DET1: variants seen among roughly 807,000 people sequenced by gnomAD.
DET1 encodes the protein DET1 partner of COP1 E3 ubiquitin ligase.
DET1 carries 22 observed loss-of-function variants against 43.7 expected under a neutral mutation model. The ratio of observed to expected loss-of-function variants is 0.50; its 90% CI spans 0.36 to 0.72. DET1 has a LOEUF of 0.72. Among genes scored for constraint, DET1 ranks in the 30% least tolerant of loss-of-function variants. The pLI is 0.00. For synonymous variants in DET1, 315 were observed against 266.2 expected, an observed-to-expected ratio of 1.18 and a Z score of -1.79; for missense variants, 713 against 713.3, an observed-to-expected ratio of 1.00 and a Z score of 0.00.
At chr15:88,535,174 G>A (rs1367641445) in intron 1 of DET1, among the ~76,000 whole-genome samples, 1 of 152,150 alleles carries the variant, frequency 6.6e-6, no homozygotes, top group African/African-American at 2.4e-5. Context: ...AACTCTTCTA[G>A]CTTCCATAGA....
chr15:88,538,886 T>C (rs2057020983), intron 1 of DET1, among the ~76,000 whole-genome samples: 1 of 152,104 alleles, frequency 6.6e-6, no homozygotes, highest in Non-Finnish European at 1.5e-5. Context: ...TTTGTTCTGG[T>C]TCTGGTAAGA....
chr15:88,509,908 G>A (rs1438198147), downstream of DET1, among the ~76,000 whole-genome samples: 2 of 152,224 alleles, frequency 1.3e-5, no homozygotes, highest in Non-Finnish European at 2.9e-5. Flanking sequence ...CACAGTGAAT[G>A]GCAAAGAAAC....
intron 1 of DET1, among the ~76,000 whole-genome samples, chr15:88,538,736 C>G (rs1244863021): frequency 6.6e-6 from 1 of 152,152 alleles, no homozygotes; most frequent in African/African-American, 2.4e-5. Context: ...AGGGGGTTAC[C>G]ACCTGAGGAA....
chr15:88,527,712 A>T lies in DET1; in HGVS notation c.1158T>A (p.Leu386=). The T allele has an allele frequency of 6.2e-7, 1 of 1,613,884 alleles. No homozygotes were observed. Among genetic ancestry groups the T allele is most frequent in the African/African-American group, 1.3e-5 (1 of 75,042 alleles). The change falls in exon 3 of 5, where the codon CTT becomes CTA. Residue 386 remains leucine (L), a synonymous_variant. Transcript: ENST00000268148. The stretch of plus-strand genomic sequence containing the variant: ...CACAGAAGTTCTCAAAGAGCTCCAA[A>T]AGCTCATCTGATGTATTCTCAAACA... ...IAVFENTSDE[L]LELFENFCDL...
At chr15:88,512,474 C>T, downstream of DET1, 1 of 986,772 alleles carries the variant, frequency 1.0e-6, no homozygotes, top group Non-Finnish European at 1.2e-6. Context: ...CATCCAACCA[C>T]ATATATTTAA....
chr15:88,542,352 C>A (rs1290696686), intron 1 of DET1, among the ~76,000 whole-genome samples: 5 of 152,108 alleles, frequency 3.3e-5, no homozygotes, highest in Admixed American at 3.3e-4. Flanking sequence ...GGTATCTCCT[C>A]ACGGATATTA....
intron 4 of DET1, among the ~76,000 whole-genome samples, chr15:88,513,433 G>A (rs1004062090): frequency 1.3e-5 from 2 of 151,968 alleles, no homozygotes; most frequent in African/African-American, 2.4e-5. Flanking sequence ...GCTTCCAGAC[G>A]TTCCTGCCTC....
rs371049355 is a variant in DET1, at chr15:88,514,387, T to G, written c.1464-1247A>C. On this transcript the variant is annotated intron_variant, in intron 4 of 4. Transcript: ENST00000268148. ...AATCTCCTTTTGGAAATTCAATATA[T>G]AAGCAGACCTAAAGATATTTATACC... Among the ~76,000 whole-genome samples the G allele has an allele frequency of 7.0e-4, 107 of 152,306 alleles. No homozygotes were observed. The South Asian group carries it at 0.02, about 29-fold the overall frequency.
Position 88,531,347 on chromosome 15 carries a change from A to G in DET1, c.359T>C (p.Leu120Pro), listed in dbSNP as rs371895445. Reference protein sequence around the residue: ...DQRSVNIRGRLFERFFVLLHI... With the variant: ...DQRSVNIRGRPFERFFVLLHI... ...CAGCAGGACAAAAAAGCGTTCAAAGAGCCGGCCCCGGATATTCACTGACCG... is the reference window on the plus strand; with the variant it reads ...CAGCAGGACAAAAAAGCGTTCAAAGGGCCGGCCCCGGATATTCACTGACCG... Residue 120 changes from leucine to proline, a missense_variant, in exon 2 of 5, where the codon CTC becomes CCC. Leu to Pro is a moderately conservative substitution (Grantham distance 98, BLOSUM62 -3). Transcript: ENST00000268148. The surrounding 1 kb of genome is among the most constrained non-coding windows in gnomAD (Gnocchi z 6.2). 8.7e-6 allele frequency: 14 copies of G among 1,613,976 alleles called. No homozygotes were observed. Among genetic ancestry groups the G allele is most frequent in the African/African-American group, 1.3e-5 (1 of 75,034 alleles).
At chr15:88,521,012 G>C (rs1225137623) in intron 3 of DET1, among the ~76,000 whole-genome samples, 2 of 152,184 alleles carry the variant, frequency 1.3e-5, no homozygotes, top group African/African-American at 4.8e-5. Flanking sequence ...TCACTCCTCT[G>C]CTCAAACATG....
In DET1 at chr15:88,530,682, G is replaced by A; in HGVS notation, c.1024C>T (p.Leu342=). The A allele has an allele frequency of 6.2e-7, 1 of 1,613,914 alleles. No homozygotes were observed. ...WKMQLLDENH[L]FIKYTSEDVV... ...TCCTCACTAGTGTACTTGATAAACAGGTGGTTTTCATCCAGAAGCTGCATT... is the reference window on the plus strand; with the variant it reads ...TCCTCACTAGTGTACTTGATAAACAAGTGGTTTTCATCCAGAAGCTGCATT... Residue 342 remains leucine (L), a synonymous_variant, in exon 2 of 5, where the codon CTG becomes TTG. Transcript: ENST00000268148.
chr15:88,531,229 A>G lies in DET1; in HGVS notation c.477T>C (p.Ala159=). 1.2e-6 allele frequency: 2 copies of G among 1,613,968 alleles called. No homozygotes were observed. Among genetic ancestry groups the G allele is most frequent in the Non-Finnish European group, 1.7e-6 (2 of 1,179,876 alleles). Residue 159 remains alanine, a synonymous_variant, in exon 2 of 5, where the codon GCT becomes GCC. Transcript: ENST00000268148. The surrounding 1 kb of genome is among the most constrained non-coding windows in gnomAD (Gnocchi z 6.2). ...GGTGAGGCTCATCTGGGAGGTAGGCAGCTGAGCCCACGATGACACAGCGGC... is the reference window on the plus strand; with the variant it reads ...GGTGAGGCTCATCTGGGAGGTAGGCGGCTGAGCCCACGATGACACAGCGGC... The part of the protein sequence containing the change: ...DDCRCVIVGS[A]AYLPDEPHPP...
chr15:88,543,251 C>A (rs1484304736), intron 1 of DET1, among the ~76,000 whole-genome samples: 2 of 152,162 alleles, frequency 1.3e-5, no homozygotes, highest in South Asian at 4.1e-4. Flanking sequence ...GATCCTGTGG[C>A]CTCTGGATGG....
chr15:88,526,163 A>G (rs1344070528), intron 3 of DET1, among the ~76,000 whole-genome samples: 1 of 152,256 alleles, frequency 6.6e-6, no homozygotes, highest in Non-Finnish European at 1.5e-5. Context: ...TCTGAATTCA[A>G]TAGCCATCTA....
At chr15:88,512,140 C>T (rs1388016595), downstream of DET1, among the ~76,000 whole-genome samples, 6 of 152,202 alleles carry the variant, frequency 3.9e-5, no homozygotes, top group African/African-American at 1.4e-4. Flanking sequence ...ACCCAAATTA[C>T]AGTACGTGCT....
At chr15:88,545,117 G>C (rs867552780) in intron 1 of DET1, among the ~76,000 whole-genome samples, 2 of 151,990 alleles carry the variant, frequency 1.3e-5, no homozygotes, top group African/African-American at 4.8e-5. Flanking sequence ...CTACTCTGGG[G>C]GATCAACCAG....
intron 3 of DET1, among the ~76,000 whole-genome samples, chr15:88,523,135 C>T (rs967739700): frequency 4.6e-5 from 7 of 152,112 alleles, no homozygotes; most frequent in African/African-American, 1.7e-4. Context: ...GCCAACCTCC[C>T]AAAGTGCTGG....
chr15:88,537,429 T>G (rs915047205), intron 1 of DET1, among the ~76,000 whole-genome samples: 2 of 152,170 alleles, frequency 1.3e-5, no homozygotes, highest in Non-Finnish European at 2.9e-5. Context: ...TGGACCTCCC[T>G]GGCTCAAGTG....
At chr15:88,503,153 AC>A (rs1343857492) in intron 8 of DET1, 7 of 152,364 alleles carry the variant, frequency 4.6e-5, no homozygotes, top group African/African-American at 1.7e-4. Flanking sequence ...AATCCCAGCT[AC>A]TTGGGAGACT....
Sources: gnomAD v4.1 joint callset for allele counts (sites outside exome capture counted in the v4.1 genomes callset) on GRCh38, gnomAD v4.1.1 for gene constraint, Gnocchi (gnomAD v3.1) non-coding constraint, MANE v1.5 for transcripts, NCBI Gene and HGNC (gene_info 2026-07-23, HGNC 2026-07-21) for gene names.